Variants in TMCO5A observed in about 807,000 individuals in gnomAD.
TMCO5A encodes the protein transmembrane and coiled-coil domain-containing protein 5A.
In TMCO5A, 34 loss-of-function variants were observed where a neutral mutation model predicts 42.3. That is an observed-to-expected ratio of 0.80 (90% CI 0.61 to 1.07). The LOEUF is 1.07. Among genes scored for constraint, TMCO5A ranks in the 50% least tolerant of loss-of-function variants. The probability of loss-of-function intolerance (pLI) is 0.00; values close to 1 mark genes in which losing one functional copy is unlikely to be tolerated. For synonymous variants in TMCO5A, 131 were observed against 115.6 expected (o/e 1.13, Z -0.86); for missense variants, 357 against 327.9 (o/e 1.09, Z -0.69).
chr15:37,950,842 C>T (rs116615729), intron 11 of TMCO5A, among the ~76,000 whole-genome samples, 194 bp from the exon 12 acceptor site: 2,484 of 152,016 alleles, frequency 0.016, 77 homozygotes, highest in African/African-American at 0.056. Flanking sequence ...AAATAAAACA[C>T]GGTAATGGAC....
chr15:37,972,252 C>T (rs116585863), downstream of TMCO5A, among the ~76,000 whole-genome samples: 227 of 152,236 alleles, frequency 1.5e-3, 2 homozygotes, highest in African/African-American at 5.3e-3. Flanking sequence ...AATACCATCT[C>T]CTGAGACTTA....
At chr15:37,994,327 G>T in the TMCO5A span, among the ~76,000 whole-genome samples, 1 of 152,132 alleles carries the variant, frequency 6.6e-6, no homozygotes, top group Non-Finnish European at 1.5e-5. Context: ...AGAGAGTCAG[G>T]AACTAGAGGA....
the TMCO5A span, among the ~76,000 whole-genome samples, chr15:37,980,191 G>C: frequency 3.3e-5 from 5 of 151,800 alleles, no homozygotes; most frequent in Non-Finnish European, 7.4e-5. Flanking sequence ...AGGCTGGTGG[G>C]GTGCAGTGGA....
At chr15:37,943,795 A>T in intron 10 of TMCO5A, 1 of 168,866 alleles carries the variant, frequency 5.9e-6, no homozygotes, top group Non-Finnish European at 1.3e-5. Context: ...CTCTCACAAC[A>T]CAGAGCACCC....
the TMCO5A span, among the ~76,000 whole-genome samples, chr15:38,015,024 G>C: frequency 5.3e-5 from 8 of 151,594 alleles, no homozygotes; most frequent in Admixed American, 5.3e-4. Flanking sequence ...TTAGAGGACA[G>C]GAAGCATCCA....
chr15:38,018,138 G>A, the TMCO5A span, among the ~76,000 whole-genome samples: 1 of 152,116 alleles, frequency 6.6e-6, no homozygotes, highest in Non-Finnish European at 1.5e-5. Flanking sequence ...GCTTAGGGCT[G>A]TGTATCAGTG....
At chr15:38,020,799 T>C in the TMCO5A span, among the ~76,000 whole-genome samples, 3 of 152,046 alleles carry the variant, frequency 2.0e-5, no homozygotes, top group African/African-American at 7.2e-5. Context: ...TAAAAATAAG[T>C]TAACTAGTAA....
At chr15:37,983,780 A>G in the TMCO5A span, among the ~76,000 whole-genome samples, 1 of 148,454 alleles carries the variant, frequency 6.7e-6, no homozygotes, top group African/African-American at 2.5e-5. Context: ...GCTGGAGTGC[A>G]ATGGCATGAT....
the TMCO5A span, among the ~76,000 whole-genome samples, chr15:38,018,771 ATT>A: frequency 0.51 from 76,900 of 150,560 alleles, 20,344 homozygotes; most frequent in East Asian, 0.79. Flanking sequence ...CAGTAATGTT[ATT>A]TTTTTTTTTA....
At chr15:37,943,133 C>T in intron 9 of TMCO5A, 1 of 419,046 alleles carries the variant, frequency 2.4e-6, no homozygotes, top group South Asian at 4.0e-5. Flanking sequence ...GTAAAACTAA[C>T]TACATATGGC....
At chr15:37,972,715 C>T (rs1421133875), downstream of TMCO5A, among the ~76,000 whole-genome samples, 1 of 151,996 alleles carries the variant, frequency 6.6e-6, no homozygotes, top group Non-Finnish European at 1.5e-5. Context: ...CATATATTTT[C>T]TCCCATTCTG....
the TMCO5A span, among the ~76,000 whole-genome samples, chr15:38,025,901 G>C: frequency 2.0e-5 from 3 of 152,196 alleles, no homozygotes; most frequent in Non-Finnish European, 4.4e-5. Context: ...AGGGGTTTCT[G>C]CTTTTGCATC....
At chr15:38,036,727 T>C in the TMCO5A span, among the ~76,000 whole-genome samples, 2 of 152,136 alleles carry the variant, frequency 1.3e-5, no homozygotes, top group Non-Finnish European at 2.9e-5. Flanking sequence ...CACCTTTTCT[T>C]ACTCCTGCAG....
rs372622675 is a variant in TMCO5A at position 37,941,181 on chromosome 15, A to G, written c.420A>G (p.Ala140=). The change falls in exon 7 of 12, where the codon GCA becomes GCG. Residue 140 remains alanine, a synonymous_variant. Coordinates refer to ENST00000319669, the MANE Select transcript of TMCO5A (RefSeq NM_152453.4). ...TACAACAGCTGGAAGCTTCCTATGC[A>G]TGCCAAGAGAAGGAGCTGCTCAAGG... ...VKLQQLEASY[A]CQEKELLKVM... 2.5e-6 allele frequency: 4 copies of G among 1,613,214 alleles called. No individual in the cohort carries two copies. The South Asian group carries it at 4.4e-5, about 18-fold the overall frequency.
downstream of TMCO5A, among the ~76,000 whole-genome samples, chr15:37,972,558 T>C (rs538128601): frequency 6.6e-6 from 1 of 152,260 alleles, no homozygotes; most frequent in Non-Finnish European, 1.5e-5. Flanking sequence ...TTTTTTCATA[T>C]GCTTCTTGAC....
At chr15:37,986,220 T>C in the TMCO5A span, among the ~76,000 whole-genome samples, 1 of 152,184 alleles carries the variant, frequency 6.6e-6, no homozygotes, top group East Asian at 1.9e-4. Context: ...AGAAATTAAA[T>C]GAATGTAGAA....
chr15:38,026,686 T>C, the TMCO5A span, among the ~76,000 whole-genome samples: 1 of 152,214 alleles, frequency 6.6e-6, no homozygotes. Context: ...GAGGTCTTCA[T>C]AACAGCCCCT....
At chr15:38,020,235 C>T in the TMCO5A span, 9 of 151,942 alleles carry the variant, frequency 5.9e-5, no homozygotes, top group African/African-American at 2.2e-4. Flanking sequence ...TTGAGAGCTT[C>T]AGTTTTAAAT....
the TMCO5A span, among the ~76,000 whole-genome samples, chr15:38,011,515 C>T: frequency 1.4e-4 from 22 of 152,184 alleles, no homozygotes; most frequent in African/African-American, 5.1e-4. Context: ...GTCACTAGGT[C>T]TAAGGACATT....
Sources: gnomAD v4.1 joint callset for allele counts (sites outside exome capture counted in the v4.1 genomes callset) on GRCh38, gnomAD v4.1.1 for gene constraint, MANE v1.5 for transcripts, NCBI Gene and HGNC (gene_info 2026-07-23, HGNC 2026-07-21) for gene names.